Variants in DPP6 observed in about 807,000 individuals in gnomAD.
DPP6 encodes the protein dipeptidyl peptidase like 6.
A neutral mutation model predicts 122.6 loss-of-function variants in DPP6; 69 were observed. The ratio of observed to expected loss-of-function variants is 0.56; its 90% confidence interval spans 0.46 to 0.69. The LOEUF is 0.69. DPP6 is among the 30% of genes least tolerant of loss of function. DPP6 has a pLI of 0.00. For synonymous variants in DPP6, 418 were observed against 433.1 expected (o/e 0.97, Z 0.43); for missense variants, 928 against 1,116.9 (o/e 0.83, Z 2.41).
chr7:154,469,453 C>G (rs796772521), intron 2 of DPP6, among the ~76,000 whole-genome samples: 1 of 152,138 alleles, frequency 6.6e-6, no homozygotes, highest in Admixed American at 6.5e-5. Context: ...GGCTTCCTTC[C>G]GTCTCTAGGG....
At chr7:154,223,777 G>A (rs1193651372) in intron 1 of DPP6, among the ~76,000 whole-genome samples, 1 of 148,880 alleles carries the variant, frequency 6.7e-6, no homozygotes, top group Non-Finnish European at 1.5e-5. Context: ...TGGGGTGAGG[G>A]TAGAGTGAGG....
chr7:153,824,766 A>G, the DPP6 span, among the ~76,000 whole-genome samples: 1 of 152,174 alleles, frequency 6.6e-6, no homozygotes, highest in Non-Finnish European at 1.5e-5. Context: ...TTTCAAGACC[A>G]GATTCATATT....
intron 5 of DPP6, among the ~76,000 whole-genome samples, chr7:154,636,024 T>C (rs1207859849): frequency 6.6e-6 from 1 of 152,170 alleles, no homozygotes; most frequent in South Asian, 2.1e-4. Flanking sequence ...TCTTCTCTTC[T>C]CTCTCCTCCT....
At chr7:154,215,102 A>G (rs1799930633) in intron 1 of DPP6, among the ~76,000 whole-genome samples, 2 of 152,158 alleles carry the variant, frequency 1.3e-5, no homozygotes, top group Admixed American at 6.5e-5. Flanking sequence ...TATGAAGAAA[A>G]CAGGTTTAAT....
intron 1 of DPP6, among the ~76,000 whole-genome samples, chr7:154,033,282 G>A (rs1475021228): frequency 1.3e-5 from 2 of 152,140 alleles, no homozygotes; most frequent in Admixed American, 6.5e-5. Flanking sequence ...TGTCTGCTTT[G>A]TCCCCAGAAT....
chr7:154,101,014 T>G (rs190801387), intron 1 of DPP6, among the ~76,000 whole-genome samples: 21,652 of 113,690 alleles, frequency 0.19, 3,460 homozygotes, highest in Admixed American at 0.26. Context: ...CTGACGGAGC[T>G]GTGGTTGGTC....
chr7:154,567,324 G>T (rs1830824344), intron 5 of DPP6, among the ~76,000 whole-genome samples: 1 of 152,194 alleles, frequency 6.6e-6, no homozygotes, highest in Admixed American at 6.5e-5. Context: ...GGTCATTGTA[G>T]TGTTCTAGTG....
In DPP6 at chr7:154,159,905, T is replaced by G. The variant is rs564944356; in HGVS notation, c.243+106842T>G. 4.6e-5 allele frequency among the ~76,000 whole-genome samples: 7 copies of G among 152,026 alleles called. No individual in the cohort carries two copies. The East Asian group carries it at 1.4e-3, about 29-fold the overall frequency. ...AGGAAGATTTCTTCAGCCCAGGAGT[T>G]CCAGCCCAGCCTGGGCAACATAGGG... On this transcript the variant is annotated intron_variant, in intron 1 of 25. Transcript: ENST00000377770.
At chr7:153,749,751 A>G in the DPP6 span, among the ~76,000 whole-genome samples, 249 of 152,276 alleles carry the variant, frequency 1.6e-3, no homozygotes, top group African/African-American at 5.8e-3. This position sits in a 1 kb window ranked among gnomAD's most constrained non-coding sequence, Gnocchi z 4.1. Flanking sequence ...CATTCCGCTT[A>G]GGTTGTGATG....
chr7:153,944,957 A>T (rs775063827), intron 1 of DPP6, among the ~76,000 whole-genome samples: 9 of 151,842 alleles, frequency 5.9e-5, no homozygotes, highest in Non-Finnish European at 1.0e-4. Flanking sequence ...TTTTTGCCTC[A>T]AGCGCTTTGC....
intron 1 of DPP6, among the ~76,000 whole-genome samples, chr7:154,284,139 C>A (rs1804699756): frequency 2.0e-5 from 3 of 152,024 alleles, no homozygotes; most frequent in African/African-American, 7.2e-5. Context: ...GACCTGGAAC[C>A]CCACTGGGTC....
At chr7:154,631,880 C>G (rs1217315644) in intron 5 of DPP6, among the ~76,000 whole-genome samples, 1 of 152,156 alleles carries the variant, frequency 6.6e-6, no homozygotes, top group Non-Finnish European at 1.5e-5. Context: ...TGAGCTTAGT[C>G]TTGCAAAGGA....
chr7:153,891,018 ATT>A (rs71182849), intron 1 of DPP6, among the ~76,000 whole-genome samples: 1,505 of 59,208 alleles, frequency 0.025, 39 homozygotes, highest in African/African-American at 0.086. Flanking sequence ...TTCTATTTTA[ATT>A]TTTTTTTTTT....
chr7:154,443,032 G>T (rs1481173402), intron 1 of DPP6, among the ~76,000 whole-genome samples: 1 of 152,126 alleles, frequency 6.6e-6, no homozygotes, highest in Non-Finnish European at 1.5e-5. Flanking sequence ...CTCAGGCTCT[G>T]CACTCCCTGG....
intron 3 of DPP6, among the ~76,000 whole-genome samples, chr7:154,496,187 A>G (rs1391084448): frequency 6.6e-6 from 1 of 152,150 alleles, no homozygotes; most frequent in East Asian, 1.9e-4. Flanking sequence ...TCTCTGGAAT[A>G]AATACTAGTG....
chr7:154,668,219 A>ATATATATATATATATATATAT (rs1554430259), intron 6 of DPP6, among the ~76,000 whole-genome samples: 68 of 54,314 alleles, frequency 1.3e-3, no homozygotes, highest in East Asian at 1.7e-3. Context: ...ATATATATAT[A>ATATATATATATATATATATAT]ATATACACAT....
chr7:154,093,540 C>G (rs1304667656), intron 1 of DPP6, among the ~76,000 whole-genome samples: 8 of 131,820 alleles, frequency 6.1e-5, no homozygotes, highest in Non-Finnish European at 8.1e-5. Flanking sequence ...CCCACACACA[C>G]AAACACTGTA....
intron 1 of DPP6, among the ~76,000 whole-genome samples, chr7:154,311,256 G>T (rs1046965816): frequency 3.3e-5 from 5 of 152,178 alleles, no homozygotes; most frequent in African/African-American, 1.2e-4. Context: ...TCTTTGGGAG[G>T]CCGACGAGAG....
chr7:154,737,375 C>T (rs1018426953), intron 8 of DPP6, among the ~76,000 whole-genome samples: 11 of 152,166 alleles, frequency 7.2e-5, no homozygotes, highest in East Asian at 3.8e-4. Context: ...GCTCATCCTC[C>T]GGGATACTTT....
Sources: allele counts gnomAD v4.1 joint callset (sites outside exome capture counted in the v4.1 genomes callset), GRCh38; gene constraint gnomAD v4.1.1; non-coding constraint Gnocchi (gnomAD v3.1); transcripts MANE v1.5; gene names NCBI Gene and HGNC (gene_info 2026-07-23, HGNC 2026-07-21).